The following ECHDC1 variants were observed in gnomAD, a reference collection of about 807,000 sequenced individuals.
ECHDC1 encodes the protein ethylmalonyl-CoA decarboxylase.
ECHDC1 carries 29 observed loss-of-function variants against 29.7 expected under a neutral mutation model. The ratio of observed to expected loss-of-function variants is 0.98; its 90% confidence interval spans 0.73 to 1.33. The LOEUF is 1.33. ECHDC1 is among the 40% of genes most tolerant of loss of function. ECHDC1 has a pLI of 0.00. For synonymous variants in ECHDC1, 126 were observed against 123.1 expected, an observed-to-expected ratio of 1.02 and a Z score of -0.15; for missense variants, 328 against 350.0, an observed-to-expected ratio of 0.94 and a Z score of 0.50.
chr6:127,333,666 T>TACACACACTC (rs1784168124), intron 1 of ECHDC1, among the ~76,000 whole-genome samples: 4 of 128,038 alleles, frequency 3.1e-5, no homozygotes, highest in African/African-American at 5.6e-5. Flanking sequence ...CTCTTTCTCT[T>TACACACACTC]ACACACACAC....
At chr6:127,319,921 G>C (rs1420336207) in intron 3 of ECHDC1, among the ~76,000 whole-genome samples, 1 of 152,158 alleles carries the variant, frequency 6.6e-6, no homozygotes, top group Non-Finnish European at 1.5e-5. Flanking sequence ...CCAGCCTGTA[G>C]AAGTATCTTA....
chr6:127,308,704 G>A (rs969822162), intron 5 of ECHDC1, among the ~76,000 whole-genome samples: 1 of 152,114 alleles, frequency 6.6e-6, no homozygotes, highest in Admixed American at 6.6e-5. Flanking sequence ...TGGAAAGGAA[G>A]AAATCAAATT....
chr6:127,336,690 C>T (rs1784451640), intron 1 of ECHDC1, among the ~76,000 whole-genome samples: 1 of 151,616 alleles, frequency 6.6e-6, no homozygotes, highest in Non-Finnish European at 1.5e-5. Flanking sequence ...AATATTTTAC[C>T]CTGAAGGAGA....
At chr6:127,305,715 T>A (rs1180706973) in intron 5 of ECHDC1, among the ~76,000 whole-genome samples, 1 of 152,218 alleles carries the variant, frequency 6.6e-6, no homozygotes, top group African/African-American at 2.4e-5. Flanking sequence ...ATCCAAACAA[T>A]GTTCAGTTGT....
At chr6:127,318,879 T>G (rs972903167) in intron 3 of ECHDC1, among the ~76,000 whole-genome samples, 1 of 152,230 alleles carries the variant, frequency 6.6e-6, no homozygotes, top group Non-Finnish European at 1.5e-5. Context: ...GGAAGATCAG[T>G]GTATCTCACG....
chr6:127,332,565 GGGGGAGGGTGGT>G (rs1339518004), intron 1 of ECHDC1, among the ~76,000 whole-genome samples: 3 of 152,086 alleles, frequency 2.0e-5, no homozygotes, highest in Non-Finnish European at 4.4e-5. Context: ...AAACTTCTGT[GGGGGAGGGTGGT>G]GGGGAGGCAG....
chr6:127,296,647 T>C, intron 5 of ECHDC1, among the ~76,000 whole-genome samples: 1 of 152,166 alleles, frequency 6.6e-6, no homozygotes. Flanking sequence ...AAGCAAAATA[T>C]GAATAAATAA....
intron 5 of ECHDC1, among the ~76,000 whole-genome samples, chr6:127,309,670 A>C (rs569482869): frequency 1.3e-5 from 2 of 152,092 alleles, no homozygotes; most frequent in South Asian, 4.1e-4. Context: ...CCTTTCTCAC[A>C]CTGCTATTAA....
At chr6:127,312,878 A>G (rs185027349) in intron 5 of ECHDC1, among the ~76,000 whole-genome samples, 1 of 152,308 alleles carries the variant, frequency 6.6e-6, no homozygotes, top group East Asian at 1.9e-4. Context: ...AACATGGATG[A>G]CTCTCAAAAT....
chr6:127,328,834 G>A (rs996227702), intron 2 of ECHDC1, among the ~76,000 whole-genome samples: 6 of 152,080 alleles, frequency 3.9e-5, no homozygotes, highest in African/African-American at 7.2e-5. Context: ...AGACCATCCT[G>A]GCCAACACGG....
chr6:127,317,512 C>T (rs769498458), intron 3 of ECHDC1, among the ~76,000 whole-genome samples: 5 of 151,876 alleles, frequency 3.3e-5, no homozygotes, highest in Admixed American at 1.3e-4. Flanking sequence ...GTCATGACTA[C>T]GTAATTCAGT....
intron 2 of ECHDC1, 34 bp from the exon 3 acceptor site, chr6:127,327,178 A>G (rs1582994164): frequency 6.2e-7 from 1 of 1,602,610 alleles, no homozygotes; most frequent in East Asian, 2.2e-5. Flanking sequence ...TCACAAATAT[A>G]TGAAGGTGAC....
chr6:127,338,136 A>T (rs553008233), intron 1 of ECHDC1, among the ~76,000 whole-genome samples: 5 of 152,208 alleles, frequency 3.3e-5, no homozygotes, highest in African/African-American at 4.8e-5. Context: ...AATGGGATCC[A>T]AGTGTATAGA....
intron 3 of ECHDC1, among the ~76,000 whole-genome samples, chr6:127,324,550 C>T (rs1783133845): frequency 6.6e-6 from 1 of 152,188 alleles, no homozygotes; most frequent in South Asian, 2.1e-4. Flanking sequence ...ACAGAAACAC[C>T]TAACACCTAG....
intron 5 of ECHDC1, among the ~76,000 whole-genome samples, chr6:127,310,077 C>T (rs1436858585): frequency 6.6e-6 from 1 of 151,946 alleles, no homozygotes; most frequent in East Asian, 1.9e-4. Context: ...AGATAATTAC[C>T]AGAGTCTGGG....
chr6:127,309,730 C>T (rs1472710499), intron 5 of ECHDC1, among the ~76,000 whole-genome samples: 1 of 152,144 alleles, frequency 6.6e-6, no homozygotes, highest in Non-Finnish European at 1.5e-5. Flanking sequence ...TTAATTGACT[C>T]ATAGTTCCAC....
chr6:127,335,876 GTATAACT>G (rs1239818369), intron 1 of ECHDC1, among the ~76,000 whole-genome samples: 4 of 151,998 alleles, frequency 2.6e-5, no homozygotes, highest in African/African-American at 9.7e-5. Flanking sequence ...AACTCATACA[GTATAACT>G]TATGAGACAT....
chr6:127,308,517 A>C (rs1781627664), intron 5 of ECHDC1, among the ~76,000 whole-genome samples: 1 of 152,194 alleles, frequency 6.6e-6, no homozygotes, highest in Non-Finnish European at 1.5e-5. Context: ...TAAAGGCCAT[A>C]TACATATATG....
chr6:127,332,522 A>G (rs1784052393), intron 1 of ECHDC1, among the ~76,000 whole-genome samples: 1 of 152,080 alleles, frequency 6.6e-6, no homozygotes, highest in South Asian at 2.1e-4. Flanking sequence ...TAAGATGTTC[A>G]CTGGTCTGAC....
Sources: allele counts gnomAD v4.1 joint callset (sites outside exome capture counted in the v4.1 genomes callset), GRCh38; gene constraint gnomAD v4.1.1; transcripts MANE v1.5; gene names NCBI Gene and HGNC (gene_info 2026-07-23, HGNC 2026-07-21).